Variants in DKK2 observed in about 807,000 individuals in gnomAD.
The protein encoded by DKK2 is dickkopf-related protein 2.
Under a neutral mutation model 28.1 loss-of-function variants are expected in DKK2, and 11 were observed. That is an observed-to-expected ratio of 0.39 (90% CI 0.25 to 0.65). The LOEUF (loss-of-function observed/expected upper bound fraction) is 0.65. DKK2 is among the 30% of genes least tolerant of loss of function. The pLI is 0.47. For synonymous variants in DKK2, 135 were observed against 126.5 expected (o/e 1.07, Z -0.45); for missense variants, 326 against 335.5 (o/e 0.97, Z 0.22).
At chr4:106,994,939 T>C (rs1367379331) in intron 1 of DKK2, among the ~76,000 whole-genome samples, 1 of 152,208 alleles carries the variant, frequency 6.6e-6, no homozygotes, top group African/African-American at 2.4e-5. Context: ...CAATTTTCTA[T>C]TAAAATAAGC....
intron 1 of DKK2, among the ~76,000 whole-genome samples, chr4:106,938,146 CA>C (rs1348156222): frequency 6.8e-6 from 1 of 146,358 alleles, no homozygotes; most frequent in Non-Finnish European, 1.5e-5. Context: ...AATAGAGACA[CA>C]AAAAACCCTT....
intron 1 of DKK2, among the ~76,000 whole-genome samples, chr4:106,930,545 T>C (rs1001113509): frequency 6.6e-6 from 1 of 152,142 alleles, no homozygotes; most frequent in African/African-American, 2.4e-5. Flanking sequence ...AATAATAATA[T>C]TGTCCTTATT....
intron 1 of DKK2, among the ~76,000 whole-genome samples, chr4:106,990,057 C>T (rs745968521): frequency 6.6e-6 from 1 of 152,034 alleles, no homozygotes; most frequent in Admixed American, 6.5e-5. Flanking sequence ...ACATTTACAG[C>T]CCATTCCTGT....
intron 1 of DKK2, among the ~76,000 whole-genome samples, chr4:106,936,302 A>G (rs1403698945): frequency 6.6e-6 from 1 of 152,230 alleles, no homozygotes; most frequent in Non-Finnish European, 1.5e-5. Context: ...CCAAGGCTCA[A>G]GAACTACGTG....
chr4:106,997,276 G>A (rs1723286354), intron 1 of DKK2, among the ~76,000 whole-genome samples: 1 of 151,834 alleles, frequency 6.6e-6, no homozygotes, highest in African/African-American at 2.4e-5. Flanking sequence ...ACACGTAGAA[G>A]GCTTTCAAAA....
At chr4:107,027,879 G>A (rs2110376611) in intron 1 of DKK2, among the ~76,000 whole-genome samples, 3 of 151,740 alleles carry the variant, frequency 2.0e-5, no homozygotes, top group East Asian at 3.9e-4. Context: ...AGCCTCCTGA[G>A]TAGCTGGGAC....
chr4:106,997,021 G>C (rs1280323096), intron 1 of DKK2, among the ~76,000 whole-genome samples: 1 of 152,086 alleles, frequency 6.6e-6, no homozygotes, highest in Non-Finnish European at 1.5e-5. Flanking sequence ...AATTGGCACA[G>C]AATTGCCTTT....
At chr4:106,976,497 C>T (rs934000673) in intron 1 of DKK2, among the ~76,000 whole-genome samples, 32 of 152,130 alleles carry the variant, frequency 2.1e-4, no homozygotes, top group African/African-American at 7.7e-4. Context: ...TATGTAATGG[C>T]CTTCTTTGTC....
At chr4:106,969,669 G>A (rs530245251) in intron 1 of DKK2, among the ~76,000 whole-genome samples, 14 of 151,904 alleles carry the variant, frequency 9.2e-5, no homozygotes, top group South Asian at 2.1e-4. Flanking sequence ...AGTTCTTCAC[G>A]TGTGAGAAAT....
intron 1 of DKK2, among the ~76,000 whole-genome samples, chr4:107,003,202 C>G (rs1346558192): frequency 6.6e-6 from 1 of 152,160 alleles, no homozygotes; most frequent in Non-Finnish European, 1.5e-5. Context: ...GCCTTAATTT[C>G]ACATAGCATC....
chr4:106,993,105 C>G lies in DKK2; in HGVS notation c.222+42265G>C, dbSNP rs78254045. 4.7e-3 allele frequency among the ~76,000 whole-genome samples: 711 copies of G among 152,366 alleles called. 4 individuals carry two copies. Among genetic ancestry groups the G allele is most frequent in the African/African-American group, 0.016 (684 of 41,590 alleles). The stretch of plus-strand genomic sequence containing the variant: ...CTACTCTTCTCAAAGCCTGGCTAAA[C>G]TGGCTTTAGCCAGGGCTCAATTAAA... On this transcript the variant is annotated intron_variant, in intron 1 of 3. Transcript: ENST00000285311.
intron 1 of DKK2, among the ~76,000 whole-genome samples, chr4:107,013,577 T>A (rs1723545024): frequency 6.6e-6 from 1 of 151,426 alleles, no homozygotes; most frequent in South Asian, 2.1e-4. Flanking sequence ...CACCTGAAAT[T>A]ATAAAACCAC....
At chr4:106,939,199 A>G (rs1156287837) in intron 1 of DKK2, among the ~76,000 whole-genome samples, 3 of 152,206 alleles carry the variant, frequency 2.0e-5, no homozygotes, top group South Asian at 2.1e-4. Flanking sequence ...ACATGACTGT[A>G]TATCTAGAAA....
chr4:107,012,079 C>T lies in DKK2; in HGVS notation c.222+23291G>A, dbSNP rs577150652. ...TAGATATAGCTTGCCATTTAAATAA[C>T]AAAAATCATTTTAATCACACCCTCC... On this transcript the variant is annotated intron_variant, in intron 1 of 3. Transcript: ENST00000285311. 4.6e-5 allele frequency among the ~76,000 whole-genome samples: 7 copies of T among 151,280 alleles called. No homozygotes were observed. The South Asian group carries it at 1.2e-3, about 27-fold the overall frequency.
intron 1 of DKK2, among the ~76,000 whole-genome samples, chr4:106,932,596 T>C (rs945803924): frequency 2.0e-5 from 3 of 152,058 alleles, no homozygotes; most frequent in Non-Finnish European, 4.4e-5. Context: ...TTTAGACCCA[T>C]CCCCACTCAT....
intron 1 of DKK2, among the ~76,000 whole-genome samples, chr4:106,963,025 A>C (rs1477491848): frequency 6.6e-6 from 1 of 151,990 alleles, no homozygotes; most frequent in Non-Finnish European, 1.5e-5. Context: ...AAGCCACTTC[A>C]CTCCAGCCTG....
At chr4:106,983,368 G>GAAAGA (rs35298593) in intron 1 of DKK2, among the ~76,000 whole-genome samples, 4,333 of 92,680 alleles carry the variant, frequency 0.047, 125 homozygotes, top group East Asian at 0.14. Context: ...AAGAAAGAAA[G>GAAAGA]AAGAAAGAAA....
chr4:107,032,969 C>A (rs549660069), intron 1 of DKK2, among the ~76,000 whole-genome samples: 8 of 152,034 alleles, frequency 5.3e-5, no homozygotes, highest in African/African-American at 9.7e-5. Context: ...TTGGTGACCA[C>A]ATAACTATAG....
At chr4:106,937,560 A>C (rs1280866904) in intron 1 of DKK2, among the ~76,000 whole-genome samples, 3 of 151,570 alleles carry the variant, frequency 2.0e-5, no homozygotes, top group Non-Finnish European at 4.4e-5. Context: ...CAGATCAACG[A>C]GACAGAAAGT....
Sources: allele counts gnomAD v4.1 joint callset (sites outside exome capture counted in the v4.1 genomes callset), GRCh38; gene constraint gnomAD v4.1.1; transcripts MANE v1.5; gene names NCBI Gene and HGNC (gene_info 2026-07-23, HGNC 2026-07-21).